The following UNC13C variants were observed in gnomAD, a reference collection of about 807,000 sequenced individuals.
The protein encoded by UNC13C is protein unc-13 homolog C.
In UNC13C, 174 loss-of-function variants were observed where a neutral mutation model predicts 245.4. The ratio of observed to expected loss-of-function variants is 0.71; its 90% CI spans 0.63 to 0.80. The LOEUF is 0.80. Ranked by LOEUF, UNC13C falls within the 30% of genes least tolerant of loss-of-function variation. UNC13C has a pLI of 0.00. For missense variants in UNC13C, 2,829 were observed against 2,602.9 expected, an observed-to-expected ratio of 1.09 and a Z score of -1.89; for synonymous variants, 992 against 895.1, an observed-to-expected ratio of 1.11 and a Z score of -1.93.
At chr15:54,221,391 AAG>A (rs1174256469) in intron 4 of UNC13C, among the ~76,000 whole-genome samples, 2 of 152,018 alleles carry the variant, frequency 1.3e-5, no homozygotes, top group African/African-American at 4.8e-5. Flanking sequence ...AATAATTGAA[AAG>A]AGAAGGGAGG....
chr15:54,477,919 G>T (rs1002416642), intron 19 of UNC13C, among the ~76,000 whole-genome samples: 1 of 147,130 alleles, frequency 6.8e-6, no homozygotes, highest in Non-Finnish European at 1.5e-5. Flanking sequence ...GTAGAATTCG[G>T]CTGTGAATCC....
chr15:54,616,312 G>T (rs1900426538), intron 30 of UNC13C, among the ~76,000 whole-genome samples: 1 of 152,004 alleles, frequency 6.6e-6, no homozygotes, highest in African/African-American at 2.4e-5. Flanking sequence ...TGGAGTTTGT[G>T]ACATATACCA....
chr15:54,603,528 C>T (rs73403848), intron 30 of UNC13C, among the ~76,000 whole-genome samples: 22,195 of 151,546 alleles, frequency 0.15, 1,674 homozygotes, highest in Middle Eastern at 0.24. Flanking sequence ...GATCTATAAG[C>T]ACTCCCACCC....
intron 4 of UNC13C, among the ~76,000 whole-genome samples, chr15:54,209,675 A>G (rs2140745475): frequency 6.6e-6 from 1 of 152,162 alleles, no homozygotes; most frequent in South Asian, 2.1e-4. Flanking sequence ...TGGCCTCCCA[A>G]AGTGCTGAGA....
At chr15:54,130,610 G>T (rs558684448) in intron 2 of UNC13C, among the ~76,000 whole-genome samples, 1 of 152,148 alleles carries the variant, frequency 6.6e-6, no homozygotes, top group African/African-American at 2.4e-5. Flanking sequence ...ATTTTTAACA[G>T]TATTTTATGT....
the UNC13C span, among the ~76,000 whole-genome samples, chr15:53,893,186 G>A: frequency 6.6e-6 from 1 of 152,318 alleles, no homozygotes; most frequent in Non-Finnish European, 1.5e-5. Flanking sequence ...AGCGAAGTCT[G>A]CAGAACAGCA....
the UNC13C span, among the ~76,000 whole-genome samples, chr15:53,881,620 C>T: frequency 2.0e-5 from 3 of 152,148 alleles, no homozygotes; most frequent in African/African-American, 2.4e-5. Flanking sequence ...AGCCAGTGAT[C>T]GGAGCTTTTA....
chr15:53,935,110 A>G, the UNC13C span, among the ~76,000 whole-genome samples: 1 of 151,984 alleles, frequency 6.6e-6, no homozygotes, highest in Non-Finnish European at 1.5e-5. Flanking sequence ...TTGTCACAAT[A>G]TCTCCTACTT....
At chr15:53,857,805 T>C in the UNC13C span, among the ~76,000 whole-genome samples, 1 of 152,226 alleles carries the variant, frequency 6.6e-6, no homozygotes, top group Non-Finnish European at 1.5e-5. Context: ...ATTATATAAA[T>C]GTTATCTGAT....
chr15:54,227,062 G>A (rs556509778), intron 4 of UNC13C, among the ~76,000 whole-genome samples: 11 of 152,238 alleles, frequency 7.2e-5, no homozygotes, highest in Admixed American at 2.0e-4. Flanking sequence ...CTTTGTCCAG[G>A]AAGAATGAGG....
intron 2 of UNC13C, among the ~76,000 whole-genome samples, chr15:54,129,508 T>C (rs917818200): frequency 1.3e-5 from 2 of 152,186 alleles, no homozygotes; most frequent in Non-Finnish European, 2.9e-5. Flanking sequence ...AAATATTAGA[T>C]ATTCTTTCAT....
intron 19 of UNC13C, among the ~76,000 whole-genome samples, chr15:54,483,273 C>T (rs762661986): frequency 2.0e-5 from 3 of 152,128 alleles, no homozygotes; most frequent in Non-Finnish European, 2.9e-5. Context: ...TGTCTGTCAA[C>T]ATAGGCCAGC....
At chr15:54,390,857 G>A (rs2039939471) in intron 17 of UNC13C, among the ~76,000 whole-genome samples, 1 of 151,960 alleles carries the variant, frequency 6.6e-6, no homozygotes, top group Non-Finnish European at 1.5e-5. Flanking sequence ...CTTTCAGCAT[G>A]CAGTCTATTA....
chr15:54,597,034 T>C (rs1455242735), intron 30 of UNC13C, among the ~76,000 whole-genome samples: 1 of 152,194 alleles, frequency 6.6e-6, no homozygotes, highest in East Asian at 1.9e-4. Context: ...GTTCCCAATC[T>C]TTTTGGCGCC....
intron 31 of UNC13C, among the ~76,000 whole-genome samples, 186 bp from the exon 32 acceptor site, chr15:54,623,609 A>G (rs1190190477): frequency 6.6e-6 from 1 of 152,200 alleles, no homozygotes; most frequent in Non-Finnish European, 1.5e-5. Flanking sequence ...ACACAGCTTA[A>G]AGCTGAAAGC....
intron 4 of UNC13C, among the ~76,000 whole-genome samples, chr15:54,206,208 T>G (rs1378667915): frequency 1.3e-5 from 2 of 152,098 alleles, no homozygotes; most frequent in Non-Finnish European, 2.9e-5. Flanking sequence ...TTTGTTTTTC[T>G]TTTTGTCCTG....
chr15:53,979,439 G>A (rs1425422726), intron 1 of UNC13C, among the ~76,000 whole-genome samples: 1 of 126,116 alleles, frequency 7.9e-6, no homozygotes, highest in Admixed American at 1.0e-4. Context: ...AGTTCTTCAA[G>A]AAGAAGATCC....
chr15:53,845,200 C>A, the UNC13C span, among the ~76,000 whole-genome samples: 4 of 151,790 alleles, frequency 2.6e-5, no homozygotes, highest in Non-Finnish European at 4.4e-5. Flanking sequence ...TGGCATGCAC[C>A]TGTAGTTCCA....
intron 4 of UNC13C, among the ~76,000 whole-genome samples, chr15:54,189,449 A>G (rs2034106690): frequency 6.6e-6 from 1 of 152,106 alleles, no homozygotes; most frequent in African/African-American, 2.4e-5. Flanking sequence ...TGAATCTTTT[A>G]TAGCTATTAG....
Sources: gnomAD v4.1 joint callset for allele counts (sites outside exome capture counted in the v4.1 genomes callset) on GRCh38, gnomAD v4.1.1 for gene constraint, MANE v1.5 for transcripts, NCBI Gene and HGNC (gene_info 2026-07-23, HGNC 2026-07-21) for gene names.